The following TASOR2 variants were observed in gnomAD, a reference collection of about 807,000 sequenced individuals.
The protein encoded by TASOR2 is transcription activation suppressor family member 2, also known as protein TASOR 2.
TASOR2 carries 84 observed loss-of-function variants against 199.5 expected under a neutral mutation model. The ratio of observed to expected loss-of-function variants is 0.42; its 90% CI spans 0.35 to 0.50. The LOEUF is 0.50. Ranked by LOEUF, TASOR2 falls within the 20% of genes least tolerant of loss-of-function variation. TASOR2 has a pLI of 0.02. For synonymous variants in TASOR2, 1,103 were observed against 1,046.6 expected (o/e 1.05, Z -1.04); for missense variants, 2,796 against 2,835.9 (o/e 0.99, Z 0.32).
chr10:5,726,855 C>T (rs913921878), intron 8 of TASOR2, 30 bp from the exon 10 acceptor site: 2 of 1,584,662 alleles, frequency 1.3e-6, no homozygotes, highest in African/African-American at 2.7e-5. Context: ...CAGAATATTC[C>T]TTCAGTTGAA....
At chr10:5,724,452 C>T in exon 8 of TASOR2, 1 of 1,541,106 alleles carries the variant, frequency 6.5e-7, no homozygotes, top group Non-Finnish European at 8.7e-7. Flanking sequence ...ATTTGTGCTT[C>T]AATTTGTATG....
chr10:5,752,924 C>A lies in TASOR2; in HGVS notation c.6606+2897C>A, dbSNP rs904893809. ...AGCTATTTAGACTTCATCCTGAGGT[C>A]GCTGGGAGCCACTGGAAAGGTTCTG... On this transcript the variant is annotated intron_variant, in intron 15 of 20. Transcript: ENST00000328090. The surrounding 1 kb of genome is among the most constrained non-coding windows in gnomAD (Gnocchi z 4.4). Among the ~76,000 whole-genome samples the A allele has an allele frequency of 6.6e-6, 1 of 152,142 alleles. No individual in the cohort carries two copies. The highest frequency in any genetic ancestry group is 2.4e-5 in the African/African-American group (1 of 41,432).
At chr10:5,691,016 C>A (rs905285587) in intron 1 of TASOR2, among the ~76,000 whole-genome samples, 2 of 151,880 alleles carry the variant, frequency 1.3e-5, no homozygotes, top group Admixed American at 6.6e-5. Flanking sequence ...CATGGTGAAA[C>A]CCTGTCACTA....
intron 11 of TASOR2, among the ~76,000 whole-genome samples, chr10:5,733,220 G>C (rs1369887999): frequency 2.0e-5 from 3 of 152,116 alleles, no homozygotes; most frequent in Non-Finnish European, 4.4e-5. Flanking sequence ...TCATTTAAGA[G>C]TTCTGGGCTG....
chr10:5,762,761 ATAAATT>A (rs1480637100), intron 20 of TASOR2, 115 bp downstream of exon 21: 5 of 704,342 alleles, frequency 7.1e-6, no homozygotes, highest in African/African-American at 1.9e-5. Context: ...ACTTCATGCT[ATAAATT>A]TAAAGTGTTT....
intron 2 of TASOR2, chr10:5,714,190 T>C (rs1832299886): frequency 1.6e-6 from 2 of 1,231,922 alleles, no homozygotes; most frequent in Non-Finnish European, 2.0e-6. Flanking sequence ...GTTACCACTC[T>C]GGGTGATCCA....
intron 1 of TASOR2, among the ~76,000 whole-genome samples, chr10:5,704,240 A>G (rs1055135910): frequency 6.6e-6 from 1 of 150,602 alleles, no homozygotes; most frequent in East Asian, 1.9e-4. Context: ...AAAAAAAAAG[A>G]AAGTTTTTAT....
intron 1 of TASOR2, among the ~76,000 whole-genome samples, chr10:5,703,800 C>T (rs1838220590): frequency 6.6e-6 from 1 of 152,048 alleles, no homozygotes. Context: ...CCGCGCCCGG[C>T]CTCTGATGTT....
chr10:5,726,179 G>A (rs1365432721), intron 8 of TASOR2, among the ~76,000 whole-genome samples: 2 of 152,088 alleles, frequency 1.3e-5, no homozygotes, highest in African/African-American at 4.8e-5. Flanking sequence ...CAGTGGAAAA[G>A]AAAAACTATT....
intron 17 of TASOR2, 115 bp downstream of exon 18, chr10:5,757,788 C>T: frequency 8.9e-6 from 10 of 1,118,844 alleles, no homozygotes; most frequent in Non-Finnish European, 1.2e-5. Flanking sequence ...ATCAGTTGCC[C>T]CCTACTGAGG....
At position 5,740,370 on chromosome 10, in the gene TASOR2, C is replaced by T. The variant is rs1171381659; in HGVS notation, c.2200C>T (p.Arg734Cys). 30 of 1,614,048 alleles carry T rather than the reference C, an allele frequency of 1.9e-5. No individual in the cohort carries two copies. Among genetic ancestry groups the T allele is most frequent in the Non-Finnish European group, 2.5e-5 (30 of 1,180,046 alleles). ...CCGTGTGAAAAAATCTTCTTGCTCT[C>T]GTATAGTGCTTAGCTGTGATGACTC... The change falls in exon 13 of 21, where the codon CGT becomes TGT. Residue 734 changes from arginine (R) to cysteine (C), a missense_variant. Arg to Cys is a radical substitution (Grantham distance 180). Transcript: ENST00000328090. This position sits in a 1 kb window ranked among gnomAD's most constrained non-coding sequence, Gnocchi z 5.3.
intron 15 of TASOR2, among the ~76,000 whole-genome samples, chr10:5,755,715 C>T (rs946838327): frequency 2.1e-4 from 32 of 152,100 alleles, no homozygotes; most frequent in Non-Finnish European, 2.4e-4. Flanking sequence ...CCAGGTGCCA[C>T]GGTTCATGCC....
At chr10:5,713,758 G>T (rs957215613) in intron 2 of TASOR2, 3 of 154,168 alleles carry the variant, frequency 1.9e-5, no homozygotes, top group Admixed American at 6.5e-5. Flanking sequence ...CTGTGACCCT[G>T]CTTAGTTTGG....
intron 11 of TASOR2, among the ~76,000 whole-genome samples, chr10:5,731,785 C>T (rs1258052246): frequency 2.0e-5 from 3 of 152,212 alleles, no homozygotes; most frequent in African/African-American, 7.2e-5. Flanking sequence ...CGTGTATGTT[C>T]CATTCTAAGA....
At chr10:5,724,634 TAG>T (rs71388472) in intron 8 of TASOR2, 101 bp downstream of exon 9, 135,160 of 166,996 alleles carry the variant, frequency 0.81, 54,587 homozygotes, top group African/African-American at 0.85. Context: ...TATATATATA[TAG>T]ATAGATAGAT....
At position 5,740,223 on chromosome 10, in the gene TASOR2, A is replaced by G. The variant is rs992138627; in HGVS notation, c.2053A>G (p.Ser685Gly). ...TCTGTTTCCCAGGAATGGGACAAAAAGCCCTGAAGCAGCAACCCCAGTGGG... is the reference window on the plus strand; with the variant it reads ...TCTGTTTCCCAGGAATGGGACAAAAGGCCCTGAAGCAGCAACCCCAGTGGG... Residue 685 changes from serine to glycine, a missense_variant, in exon 13 of 21, where the codon AGC becomes GGC. This residue lies in a region of TASOR2 where 847 missense variants were observed against 887.4 expected (regional missense o/e 0.95). Transcript: ENST00000328090. This position sits in a 1 kb window ranked among gnomAD's most constrained non-coding sequence, Gnocchi z 5.3. The G allele has an allele frequency of 1.7e-5, 28 of 1,614,126 alleles. No homozygotes were observed. The highest frequency in any genetic ancestry group is 2.7e-5 in the African/African-American group (2 of 74,944).
chr10:5,698,886 A>G lies in TASOR2; in HGVS notation c.-288+13711A>G, dbSNP rs958726466. Among the ~76,000 whole-genome samples, 2 of 152,238 alleles carry G rather than the reference A, an allele frequency of 1.3e-5. No homozygotes were observed. Among genetic ancestry groups the G allele is most frequent in the Non-Finnish European group, 2.9e-5 (2 of 68,024 alleles). On this transcript the variant is annotated intron_variant, in intron 1 of 20. Coordinates refer to ENST00000328090, the Ensembl canonical transcript of TASOR2. The surrounding 1 kb of genome is among the most constrained non-coding windows in gnomAD (Gnocchi z 4.4). ...AACCTTCTGTATACTGCTGGTGGGA[A>G]TATAAAATGGTGCAGCCACTTTGAA...
chr10:5,731,113 A>G lies in TASOR2; in HGVS notation c.1114A>G (p.Lys372Glu), dbSNP rs372768117. ...GGTGAACTTGTGCCGCCCCTTTCCC[A>G]AAAGAACTGCTTCCAGAGCAGACAA... Residue 372 changes from lysine to glutamate, a missense_variant, in exon 11 of 21, where the codon AAA (lysine) becomes GAA (glutamate). Lys to Glu is a moderately conservative substitution (Grantham distance 56). This residue lies in a region of TASOR2 where 847 missense variants were observed against 887.4 expected (regional missense o/e 0.95). Coordinates refer to ENST00000328090, the Ensembl canonical transcript of TASOR2. The G allele has an allele frequency of 9.3e-6, 15 of 1,613,296 alleles. No homozygotes were observed. In the African/African-American group the frequency reaches 9.3e-5, roughly 10 times the overall value.
Position 5,722,410 on chromosome 10 carries a change from C to T in TASOR2, c.147-1267C>T, listed in dbSNP as rs1384857927. Among the ~76,000 whole-genome samples, 1 of 151,906 alleles carries T rather than the reference C, an allele frequency of 6.6e-6. No individual in the cohort carries two copies. The highest frequency in any genetic ancestry group is 2.1e-4 in the South Asian group (1 of 4,814). On this transcript the variant is annotated intron_variant, in intron 6 of 20. Transcript: ENST00000328090. This position sits in a 1 kb window ranked among gnomAD's most constrained non-coding sequence, Gnocchi z 4.0. ...GGTGGAGGTTGCATTGAGCTGAGAT[C>T]GCGCCACTACACTCCAGCCTGGGCG...
Sources: gnomAD v4.1 joint callset for allele counts (sites outside exome capture counted in the v4.1 genomes callset) on GRCh38, gnomAD v4.1.1 for gene constraint, gnomAD v4.1.1 regional missense constraint, Gnocchi (gnomAD v3.1) non-coding constraint, MANE v1.5 for transcripts, NCBI Gene and HGNC (gene_info 2026-07-23, HGNC 2026-07-21) for gene names.